The following DMGDH variants were observed in gnomAD, a reference collection of about 807,000 sequenced individuals.
DMGDH encodes the protein dimethylglycine dehydrogenase, also known as dimethylglycine dehydrogenase, mitochondrial.
DMGDH carries 76 observed loss-of-function variants against 95.2 expected under a neutral mutation model. The observed-to-expected ratio is 0.80, with a 90% CI of 0.66 to 0.97. The LOEUF is 0.97. DMGDH is among the 50% of genes least tolerant of loss of function. DMGDH has a pLI of 0.00. For synonymous variants in DMGDH, 345 were observed against 377.6 expected, an observed-to-expected ratio of 0.91 and a Z score of 1.00; for missense variants, 987 against 1,055.0, an observed-to-expected ratio of 0.94 and a Z score of 0.89.
At chr5:79,031,774 T>C (rs1754184828) in intron 9 of DMGDH, among the ~76,000 whole-genome samples, 1 of 152,252 alleles carries the variant, frequency 6.6e-6, no homozygotes, top group African/African-American at 2.4e-5. Context: ...GAATTTTCAA[T>C]AGTTTAATTA....
intron 14 of DMGDH, among the ~76,000 whole-genome samples, chr5:79,016,785 A>C (rs993581396): frequency 1.3e-5 from 2 of 152,230 alleles, no homozygotes; most frequent in African/African-American, 4.8e-5. Context: ...GGGCTATCAC[A>C]ACCTTATTTG....
intron 14 of DMGDH, among the ~76,000 whole-genome samples, chr5:79,008,748 G>A (rs2112602274): frequency 6.6e-6 from 1 of 151,842 alleles, no homozygotes; most frequent in East Asian, 1.9e-4. Context: ...GGGGAGAGTG[G>A]GCAAAAACTT....
chr5:79,004,316 G>A (rs1410291665), intron 15 of DMGDH, among the ~76,000 whole-genome samples: 1 of 152,228 alleles, frequency 6.6e-6, no homozygotes, highest in Non-Finnish European at 1.5e-5. Context: ...CAAAGGCTGT[G>A]ATTTGACACC....
intron 12 of DMGDH, among the ~76,000 whole-genome samples, chr5:79,028,161 C>T (rs1754052074): frequency 6.6e-6 from 1 of 151,956 alleles, no homozygotes; most frequent in Non-Finnish European, 1.5e-5. Flanking sequence ...TTTATCTGCC[C>T]TTCCAGATGG....
chr5:79,061,090 G>A (rs1356171492), intron 2 of DMGDH, among the ~76,000 whole-genome samples: 1 of 151,914 alleles, frequency 6.6e-6, no homozygotes, highest in African/African-American at 2.4e-5. Context: ...AGGCGTGGTC[G>A]TGCACAGCTG....
At chr5:79,019,455 G>A (rs1024313908) in intron 14 of DMGDH, among the ~76,000 whole-genome samples, 1 of 134,342 alleles carries the variant, frequency 7.4e-6, no homozygotes, top group East Asian at 2.2e-4. Context: ...AATATTCACT[G>A]CATTAAAAAA....
intron 9 of DMGDH, among the ~76,000 whole-genome samples, chr5:79,031,721 T>G (rs1754183552): frequency 6.6e-6 from 1 of 152,250 alleles, no homozygotes; most frequent in African/African-American, 2.4e-5. Context: ...GGACTTCTAA[T>G]GTGGTATTTT....
At chr5:79,024,905 T>G (rs1753957759) in intron 13 of DMGDH, among the ~76,000 whole-genome samples, 1 of 152,240 alleles carries the variant, frequency 6.6e-6, no homozygotes, top group Non-Finnish European at 1.5e-5. Flanking sequence ...TTTTGTTTCT[T>G]TCTTCGTTTT....
intron 9 of DMGDH, among the ~76,000 whole-genome samples, chr5:79,032,019 T>A (rs1754190609): frequency 6.6e-6 from 1 of 152,190 alleles, no homozygotes; most frequent in African/African-American, 2.4e-5. Context: ...AATGACAGCA[T>A]AAAAATAAGG....
In DMGDH at chr5:78,997,703, AATTT is replaced by A. The variant is rs1483389544; in HGVS notation, c.*375_*378del. 1 of 197,758 alleles carries A rather than the reference AATTT, an allele frequency of 5.1e-6. No individual in the cohort carries two copies. Among genetic ancestry groups the A allele is most frequent in the African/African-American group, 2.4e-5 (1 of 42,180 alleles). 12.3% of individuals were successfully genotyped at this position (197,758 alleles called of 1,614,324 possible). A position where few individuals can be genotyped will look rare whatever the true frequency, so the allele number is the denominator to read the frequency against. On this transcript the variant is annotated 3_prime_UTR_variant, in exon 16 of 16. Transcript: ENST00000255189. ...TTGTACATGTTTTTATGTAAAAGAT[AATTT>A]ATTAATTTGTTTTCAGCTGTCAAGA...
chr5:79,058,554 A>G (rs1384508657), intron 2 of DMGDH, among the ~76,000 whole-genome samples: 1 of 152,230 alleles, frequency 6.6e-6, no homozygotes, highest in Non-Finnish European at 1.5e-5. Context: ...ACACATAGTA[A>G]CTATGAAACT....
chr5:79,056,569 G>A (rs563112724), intron 2 of DMGDH, among the ~76,000 whole-genome samples: 1 of 150,538 alleles, frequency 6.6e-6, no homozygotes, highest in East Asian at 2.0e-4. Context: ...AAACTATGGG[G>A]GAGGCCAGGC....
intron 14 of DMGDH, among the ~76,000 whole-genome samples, chr5:79,010,359 G>A (rs1283735393): frequency 6.6e-6 from 1 of 152,188 alleles, no homozygotes; most frequent in Non-Finnish European, 1.5e-5. Flanking sequence ...AGTCAGGGTA[G>A]TGGGCTATAA....
chr5:79,026,707 A>T (rs1388321478), intron 12 of DMGDH, 126 bp from the exon 13 acceptor site: 1 of 1,399,136 alleles, frequency 7.1e-7, no homozygotes, highest in Non-Finnish European at 9.9e-7. Flanking sequence ...GTCAGTCTCT[A>T]AAAAGACCAG....
intron 15 of DMGDH, among the ~76,000 whole-genome samples, chr5:79,004,287 T>C (rs1371354258): frequency 2.0e-5 from 3 of 152,214 alleles, no homozygotes; most frequent in Non-Finnish European, 2.9e-5. Context: ...CTTTGTCAAA[T>C]TGACCCATGC....
chr5:79,063,571 G>T (rs1420195349), intron 2 of DMGDH, 42 bp downstream of exon 2: 2 of 1,612,468 alleles, frequency 1.2e-6, no homozygotes, highest in African/African-American at 2.7e-5. Context: ...CTTTACTCAT[G>T]CACAATTCCA....
Position 79,032,625 on chromosome 5 carries a change from T to G in DMGDH, c.1517+62A>C, listed in dbSNP as rs950123463. 6.3e-5 allele frequency: 101 copies of G among 1,608,782 alleles called. No individual in the cohort carries two copies. The African/African-American group carries it at 1.2e-3, about 19-fold the overall frequency. On this transcript the variant is annotated intron_variant, in intron 9 of 15. Coordinates refer to ENST00000255189, the MANE Select transcript of DMGDH (RefSeq NM_013391.3). Reference sequence around the variant, plus strand: ...GGAGTGTAAGGCAGAATCAGCGCTTTTTGCTGTCCCGTTGTTTCACCCCTC... The same window carrying G: ...GGAGTGTAAGGCAGAATCAGCGCTTGTTGCTGTCCCGTTGTTTCACCCCTC...
At chr5:79,068,240 T>C in intron 1 of DMGDH, among the ~76,000 whole-genome samples, 1 of 152,214 alleles carries the variant, frequency 6.6e-6, no homozygotes, top group South Asian at 2.1e-4. Context: ...TTTTGGATAG[T>C]CTTGAAATTT....
chr5:79,067,380 A>C (rs1755410678), intron 1 of DMGDH, among the ~76,000 whole-genome samples: 1 of 152,238 alleles, frequency 6.6e-6, no homozygotes, highest in Non-Finnish European at 1.5e-5. Flanking sequence ...AGTGGTGACA[A>C]AAATAATAAT....
Sources: gnomAD v4.1 joint callset for allele counts (sites outside exome capture counted in the v4.1 genomes callset) on GRCh38, gnomAD v4.1.1 for gene constraint, MANE v1.5 for transcripts, NCBI Gene and HGNC (gene_info 2026-07-23, HGNC 2026-07-21) for gene names.